KCNA6: variants seen among roughly 807,000 people sequenced by gnomAD.
KCNA6 encodes the protein human brain potassium channel-2.
In KCNA6, 17 loss-of-function variants were observed where a neutral mutation model predicts 29.5. The observed-to-expected ratio is 0.58, with a 90% CI of 0.39 to 0.86. The LOEUF (loss-of-function observed/expected upper bound fraction) is 0.86, where lower values mean the gene tolerates loss of function less well. Among genes scored for constraint, KCNA6 ranks in the 40% least tolerant of loss-of-function variants. KCNA6 has a pLI of 0.00. For synonymous variants in KCNA6, 296 were observed against 304.7 expected (o/e 0.97, Z 0.30); for missense variants, 450 against 703.4 (o/e 0.64, Z 4.07).
the KCNA6 span, among the ~76,000 whole-genome samples, chr12:4,850,275 G>A: frequency 5.6e-5 from 8 of 143,948 alleles, no homozygotes; most frequent in African/African-American, 2.1e-4. The surrounding 1 kb of genome is among the most constrained non-coding windows in gnomAD (Gnocchi z 5.4). Flanking sequence ...CGCGCCTGAC[G>A]CTGGTGCAGG....
chr12:4,840,223 C>CTA, the KCNA6 span, among the ~76,000 whole-genome samples: 17,915 of 57,812 alleles, frequency 0.31, 1,336 homozygotes, highest in South Asian at 0.36. Flanking sequence ...ATCTATCTAT[C>CTA]TATCTATCTA....
the KCNA6 span, among the ~76,000 whole-genome samples, chr12:4,825,932 G>A: frequency 2.0e-5 from 3 of 152,148 alleles, no homozygotes; most frequent in Non-Finnish European, 2.9e-5. Context: ...ATTTTTTTAC[G>A]ATCACTTTTC....
the KCNA6 span, among the ~76,000 whole-genome samples, chr12:4,835,036 C>A: frequency 3.9e-5 from 6 of 151,960 alleles, no homozygotes; most frequent in African/African-American, 1.5e-4. Flanking sequence ...TTGGGTTCAA[C>A]TGTTGGGACT....
At chr12:4,831,377 C>T in the KCNA6 span, among the ~76,000 whole-genome samples, 1 of 152,204 alleles carries the variant, frequency 6.6e-6, no homozygotes. Flanking sequence ...CAAGTTAGTA[C>T]CTGCTTGACC....
the KCNA6 span, among the ~76,000 whole-genome samples, chr12:4,835,348 A>C: frequency 2.6e-5 from 4 of 152,074 alleles, no homozygotes; most frequent in East Asian, 7.7e-4. Context: ...GTTAGCCAGG[A>C]TGGTCTCGAT....
the KCNA6 span, among the ~76,000 whole-genome samples, chr12:4,840,240 T>TAA: frequency 9.3e-6 from 1 of 107,546 alleles, no homozygotes; most frequent in Admixed American, 9.0e-5. Context: ...TCTATCTATC[T>TAA]ATCTCCTCTT....
At chr12:4,822,289 C>G in the KCNA6 span, among the ~76,000 whole-genome samples, 1 of 152,110 alleles carries the variant, frequency 6.6e-6, no homozygotes, top group Non-Finnish European at 1.5e-5. Context: ...CCTGGTAACC[C>G]CTGGGGACAC....
At chr12:4,828,411 TG>T in the KCNA6 span, among the ~76,000 whole-genome samples, 1 of 152,260 alleles carries the variant, frequency 6.6e-6, no homozygotes, top group African/African-American at 2.4e-5. Context: ...ACGTTCAGGT[TG>T]CTTCTAATGA....
chr12:4,837,048 A>T, the KCNA6 span, among the ~76,000 whole-genome samples: 15 of 152,164 alleles, frequency 9.9e-5, no homozygotes, highest in African/African-American at 3.6e-4. Context: ...AGGCAGGATT[A>T]TAGGGCTGGA....
the KCNA6 span, among the ~76,000 whole-genome samples, chr12:4,828,658 G>A: frequency 1.3e-5 from 2 of 152,168 alleles, no homozygotes; most frequent in South Asian, 2.1e-4. Context: ...GTGTACCAGC[G>A]CATTTAATCG....
exon 1 of KCNA6, chr12:4,813,021 C>T (rs921414740): frequency 6.0e-6 from 1 of 167,066 alleles, no homozygotes; most frequent in Non-Finnish European, 1.5e-5. Context: ...CTTTGATAAA[C>T]TGTGATGTAC....
At chr12:4,837,942 G>C in the KCNA6 span, among the ~76,000 whole-genome samples, 5 of 151,986 alleles carry the variant, frequency 3.3e-5, no homozygotes, top group Non-Finnish European at 7.4e-5. Flanking sequence ...TTTGAAGAGA[G>C]CCTTTGTATT....
At chr12:4,823,565 G>A in the KCNA6 span, among the ~76,000 whole-genome samples, 8 of 152,092 alleles carry the variant, frequency 5.3e-5, no homozygotes, top group Admixed American at 2.6e-4. Flanking sequence ...TCAGGAGTTC[G>A]AGATGAGCCT....
At chr12:4,819,306 G>A in the KCNA6 span, among the ~76,000 whole-genome samples, 4 of 152,148 alleles carry the variant, frequency 2.6e-5, no homozygotes, top group Non-Finnish European at 5.9e-5. Context: ...AGAATGCAGG[G>A]TCTTATAGTT....
the KCNA6 span, among the ~76,000 whole-genome samples, chr12:4,835,253 G>C: frequency 1.5e-5 from 2 of 133,412 alleles, no homozygotes; most frequent in African/African-American, 3.1e-5. Context: ...TCCTGCCTCA[G>C]CCTCCCGAGT....
At chr12:4,848,045 A>G in the KCNA6 span, among the ~76,000 whole-genome samples, 1 of 152,196 alleles carries the variant, frequency 6.6e-6, no homozygotes, top group South Asian at 2.1e-4. Flanking sequence ...CCTTGCTTTC[A>G]GTACAGTTCC....
In KCNA6 at chr12:4,813,135, T is replaced by C. The variant is rs57252461; in HGVS notation, c.*1504T>C. ...GACTCTTTGATGATAATTTTTTTTT[T>C]AAAAATTATTCTCTCGAAGAGCAAC... On this transcript the variant is annotated 3_prime_UTR_variant, in exon 1 of 1. Transcript: ENST00000280684. 237 of 166,826 alleles carry C rather than the reference T, an allele frequency of 1.4e-3. 1 individual carries two copies. The highest frequency in any genetic ancestry group is 2.1e-3 in the Non-Finnish European group (145 of 68,066). The allele number at this position is 166,826 out of a possible 1,614,324, so 10.3% of individuals were successfully genotyped here.
At chr12:4,833,672 G>A in the KCNA6 span, among the ~76,000 whole-genome samples, 1 of 152,172 alleles carries the variant, frequency 6.6e-6, no homozygotes, top group Admixed American at 6.5e-5. Flanking sequence ...CTCACAGATG[G>A]CAGCAGCAGT....
chr12:4,850,817 A>G, the KCNA6 span: 8 of 454,642 alleles, frequency 1.8e-5, no homozygotes, highest in African/African-American at 1.4e-4. The surrounding 1 kb of genome is among the most constrained non-coding windows in gnomAD (Gnocchi z 5.4). Context: ...ACTTCTTCAG[A>G]AGACGAGAAC....
Sources: allele counts gnomAD v4.1 joint callset (sites outside exome capture counted in the v4.1 genomes callset), GRCh38; gene constraint gnomAD v4.1.1; non-coding constraint Gnocchi (gnomAD v3.1); transcripts MANE v1.5; gene names NCBI Gene and HGNC (gene_info 2026-07-23, HGNC 2026-07-21).